Variants in VRK2 observed in about 807,000 individuals in gnomAD.
VRK2 encodes the protein serine/threonine-protein kinase VRK2.
VRK2 carries 60 observed loss-of-function variants against 57.6 expected under a neutral mutation model. The ratio of observed to expected loss-of-function variants is 1.04; its 90% CI spans 0.85 to 1.29. VRK2 has a LOEUF of 1.29. Ranked by LOEUF, VRK2 falls within the 50% of genes most tolerant of loss-of-function variation. The pLI, the probability that VRK2 is intolerant of heterozygous loss-of-function variation, is 0.00. For synonymous variants in VRK2, 231 were observed against 199.2 expected (o/e 1.16, Z -1.35); for missense variants, 705 against 588.1 (o/e 1.20, Z -2.06).
At chr2:58,159,154 T>A (rs1167597612) in intron 12 of VRK2, 195 bp from the exon 13 acceptor site, 1 of 443,706 alleles carries the variant, frequency 2.3e-6, no homozygotes. Flanking sequence ...CCAGATTTGC[T>A]TGTTGGATGT....
chr2:57,965,768 G>C (rs1671897737), intron 1 of VRK2, among the ~76,000 whole-genome samples: 1 of 152,268 alleles, frequency 6.6e-6, no homozygotes, highest in Non-Finnish European at 1.5e-5. Flanking sequence ...CCGAGGCTGA[G>C]TCCAGACCCC....
At chr2:58,050,731 CTA>C (rs991595744) in intron 2 of VRK2, among the ~76,000 whole-genome samples, 7 of 152,150 alleles carry the variant, frequency 4.6e-5, no homozygotes, top group African/African-American at 1.7e-4. Context: ...CACATAGTCA[CTA>C]TTGTTACTGT....
chr2:58,154,066 A>G (rs991722495), intron 12 of VRK2, among the ~76,000 whole-genome samples: 8 of 152,090 alleles, frequency 5.3e-5, no homozygotes, highest in Non-Finnish European at 8.8e-5. Context: ...CATCTGAGCT[A>G]TCAAATTTTT....
chr2:58,096,817 G>A (rs934546994), intron 7 of VRK2, among the ~76,000 whole-genome samples: 1 of 151,050 alleles, frequency 6.6e-6, no homozygotes, highest in Admixed American at 6.6e-5. Flanking sequence ...AGAGTTTAAG[G>A]CTATGAATTT....
upstream of VRK2, among the ~76,000 whole-genome samples, chr2:58,045,836 T>C (rs1363821160): frequency 6.6e-6 from 1 of 152,170 alleles, no homozygotes; most frequent in Non-Finnish European, 1.5e-5. Flanking sequence ...ATAAGCTTAC[T>C]ATGAGTCTTT....
At chr2:57,954,910 G>A (rs1671536358) in intron 1 of VRK2, among the ~76,000 whole-genome samples, 1 of 152,220 alleles carries the variant, frequency 6.6e-6, no homozygotes, top group Non-Finnish European at 1.5e-5. Context: ...GCCGTGCATT[G>A]TTTATGTCTG....
At chr2:58,141,956 C>A (rs1031474655) in intron 11 of VRK2, among the ~76,000 whole-genome samples, 3 of 151,820 alleles carry the variant, frequency 2.0e-5, no homozygotes, top group Non-Finnish European at 2.9e-5. Flanking sequence ...TAACTAAAAT[C>A]GTTTCTTGTT....
chr2:57,978,995 C>T (rs1488936504), intron 1 of VRK2, among the ~76,000 whole-genome samples: 1 of 150,954 alleles, frequency 6.6e-6, no homozygotes, highest in African/African-American at 2.5e-5. Context: ...TGTTTCCTGA[C>T]TTTTTCTTTT....
At chr2:58,066,000 G>A (rs1206950740) in intron 2 of VRK2, among the ~76,000 whole-genome samples, 2 of 152,076 alleles carry the variant, frequency 1.3e-5, no homozygotes, top group East Asian at 1.9e-4. Context: ...CTAGGATTGG[G>A]TTTTCTTTTG....
chr2:58,037,553 A>G (rs1674316480), intron 3 of VRK2, among the ~76,000 whole-genome samples: 1 of 152,154 alleles, frequency 6.6e-6, no homozygotes, highest in Non-Finnish European at 1.5e-5. Context: ...AGACACAGAA[A>G]CAAAATCCCC....
intron 7 of VRK2, among the ~76,000 whole-genome samples, chr2:58,105,242 A>T (rs897302654): frequency 6.6e-6 from 1 of 152,012 alleles, no homozygotes; most frequent in Non-Finnish European, 1.5e-5. Flanking sequence ...GCACAGCAAG[A>T]GAAACAATCA....
At chr2:57,967,081 A>C (rs147712706) in intron 1 of VRK2, among the ~76,000 whole-genome samples, 25 of 152,282 alleles carry the variant, frequency 1.6e-4, no homozygotes, top group South Asian at 4.1e-4. Context: ...TTATATCCTC[A>C]ATTTGTTCAC....
chr2:58,077,347 T>G (rs953577921), intron 2 of VRK2, among the ~76,000 whole-genome samples: 1 of 152,082 alleles, frequency 6.6e-6, no homozygotes, highest in African/African-American at 2.4e-5. Context: ...GTTGAATTGA[T>G]CCTAGGCCTT....
At chr2:58,051,054 A>G (rs1180794116) in intron 2 of VRK2, among the ~76,000 whole-genome samples, 1 of 152,222 alleles carries the variant, frequency 6.6e-6, no homozygotes, top group Non-Finnish European at 1.5e-5. Flanking sequence ...CATATTGGCC[A>G]GGATGGTCTC....
chr2:58,076,593 A>G (rs1332264031), intron 2 of VRK2, among the ~76,000 whole-genome samples: 1 of 151,720 alleles, frequency 6.6e-6, no homozygotes, highest in South Asian at 2.1e-4. Flanking sequence ...TAATGATTAT[A>G]TTTCTATTTA....
At chr2:57,957,772 T>C (rs985101900) in intron 1 of VRK2, among the ~76,000 whole-genome samples, 3 of 151,930 alleles carry the variant, frequency 2.0e-5, no homozygotes, top group African/African-American at 4.8e-5. Flanking sequence ...AAATTGTGTA[T>C]GCCAAGACTC....
intron 2 of VRK2, among the ~76,000 whole-genome samples, chr2:58,077,168 T>G (rs1670233276): frequency 6.6e-6 from 1 of 151,992 alleles, no homozygotes. Flanking sequence ...TTAGCGCTCT[T>G]TTTTTTCTCC....
intron 1 of VRK2, among the ~76,000 whole-genome samples, chr2:57,935,202 G>A (rs974155948): frequency 6.6e-6 from 1 of 152,060 alleles, no homozygotes; most frequent in African/African-American, 2.4e-5. Context: ...ACCTTCTTCA[G>A]TCTTTTCTGA....
chr2:57,925,484 A>T (rs1202564256), intron 1 of VRK2, among the ~76,000 whole-genome samples: 1 of 151,974 alleles, frequency 6.6e-6, no homozygotes, highest in East Asian at 1.9e-4. Flanking sequence ...ATTTATTGGC[A>T]TATAGTTGCT....
Sources: gnomAD v4.1 joint callset for allele counts (sites outside exome capture counted in the v4.1 genomes callset) on GRCh38, gnomAD v4.1.1 for gene constraint, MANE v1.5 for transcripts, NCBI Gene and HGNC (gene_info 2026-07-23, HGNC 2026-07-21) for gene names.